BRD10: variants seen among roughly 807,000 people sequenced by gnomAD.
BRD10 encodes uncharacterized bromodomain-containing protein 10.
the BRD10 span, among the ~76,000 whole-genome samples, chr9:5,882,400 G>C: frequency 6.6e-6 from 1 of 152,178 alleles, no homozygotes; most frequent in Non-Finnish European, 1.5e-5. Context: ...AGCCAAACAA[G>C]TGTGAAAGTA....
the BRD10 span, among the ~76,000 whole-genome samples, chr9:5,902,706 T>C: frequency 3.9e-5 from 6 of 151,934 alleles, no homozygotes; most frequent in Admixed American, 3.3e-4. Context: ...AGAGTCTCAC[T>C]ATGTTGCTCT....
At chr9:5,935,544 T>A in the BRD10 span, among the ~76,000 whole-genome samples, 6 of 152,206 alleles carry the variant, frequency 3.9e-5, no homozygotes, top group African/African-American at 1.4e-4. Context: ...TGGTTGAGTA[T>A]CTGAATTTGA....
the BRD10 span, among the ~76,000 whole-genome samples, chr9:5,937,250 A>C: frequency 6.7e-6 from 1 of 149,900 alleles, no homozygotes; most frequent in African/African-American, 2.5e-5. Context: ...AAAAGGGTTT[A>C]AAGCAAATTA....
At chr9:5,881,269 A>G in the BRD10 span, among the ~76,000 whole-genome samples, 3 of 152,194 alleles carry the variant, frequency 2.0e-5, no homozygotes, top group East Asian at 1.9e-4. Flanking sequence ...GGCCTTCCTT[A>G]TAAATGGCCT....
At chr9:5,942,886 C>CT in the BRD10 span, among the ~76,000 whole-genome samples, 1 of 152,036 alleles carries the variant, frequency 6.6e-6, no homozygotes, top group Non-Finnish European at 1.5e-5. Flanking sequence ...CTTTCTTCTT[C>CT]TGTTTTTTTG....
At chr9:5,985,013 TTACTG>T in the BRD10 span, among the ~76,000 whole-genome samples, 1 of 151,368 alleles carries the variant, frequency 6.6e-6, no homozygotes. Flanking sequence ...ATTTCAAGAC[TTACTG>T]TAAAGTTAAT....
At chr9:5,988,510 G>C in the BRD10 span, 3 of 1,613,824 alleles carry the variant, frequency 1.9e-6, no homozygotes, top group Non-Finnish European at 2.5e-6. Context: ...ATAGCCTCTA[G>C]ATGTAACTGC....
the BRD10 span, among the ~76,000 whole-genome samples, chr9:5,916,566 C>CTT: frequency 0.23 from 34,950 of 149,334 alleles, 4,247 homozygotes; most frequent in South Asian, 0.35. Context: ...ATATATAAAA[C>CTT]ATATATAAAA....
the BRD10 span, among the ~76,000 whole-genome samples, chr9:5,935,798 CCTAA>C: frequency 6.6e-6 from 1 of 152,158 alleles, no homozygotes; most frequent in Non-Finnish European, 1.5e-5. Context: ...TCTCACAACG[CCTAA>C]CTCTGACAGA....
the BRD10 span, among the ~76,000 whole-genome samples, chr9:5,912,831 A>C: frequency 2.6e-5 from 4 of 152,222 alleles, no homozygotes; most frequent in African/African-American, 9.6e-5. Flanking sequence ...CCTGCAGGCC[A>C]GGGTAGGGAC....
chr9:5,968,151 C>G, the BRD10 span: 2 of 1,592,620 alleles, frequency 1.3e-6, no homozygotes, highest in East Asian at 2.2e-5. Flanking sequence ...TTCAAAACAT[C>G]TTTCAATTTC....
chr9:5,897,324 T>A, the BRD10 span, among the ~76,000 whole-genome samples: 1 of 152,206 alleles, frequency 6.6e-6, no homozygotes, highest in Non-Finnish European at 1.5e-5. Flanking sequence ...GCCATGCCAA[T>A]TAGCAGAGTT....
At chr9:5,910,195 T>C in the BRD10 span, 5 of 152,336 alleles carry the variant, frequency 3.3e-5, no homozygotes, top group East Asian at 7.7e-4. Flanking sequence ...ACTTTCTCAC[T>C]ATATGATTCA....
the BRD10 span, among the ~76,000 whole-genome samples, chr9:5,880,422 G>C: frequency 6.6e-6 from 1 of 151,654 alleles, no homozygotes; most frequent in Non-Finnish European, 1.5e-5. Context: ...TGATGCAGGA[G>C]AGAACTGCTT....
At chr9:5,967,197 T>C in the BRD10 span, among the ~76,000 whole-genome samples, 1 of 152,184 alleles carries the variant, frequency 6.6e-6, no homozygotes, top group Non-Finnish European at 1.5e-5. Context: ...TCCACCTTTT[T>C]TTTTTCCAAT....
chr9:5,921,928 G>A, the BRD10 span: 2 of 1,613,978 alleles, frequency 1.2e-6, no homozygotes, highest in African/African-American at 2.7e-5. Context: ...TAGCTGGAAT[G>A]GAAACAGAAG....
the BRD10 span, among the ~76,000 whole-genome samples, chr9:5,979,366 T>C: frequency 6.6e-6 from 1 of 151,896 alleles, no homozygotes; most frequent in Non-Finnish European, 1.5e-5. Context: ...ATGTAAAAAT[T>C]TGCCAAGTGT....
the BRD10 span, among the ~76,000 whole-genome samples, chr9:5,916,787 G>T: frequency 6.6e-6 from 1 of 152,074 alleles, no homozygotes; most frequent in Non-Finnish European, 1.5e-5. Flanking sequence ...TGACTCTCCA[G>T]TATCATGAAT....
the BRD10 span, among the ~76,000 whole-genome samples, chr9:5,996,403 T>C: frequency 2.0e-4 from 30 of 152,178 alleles, no homozygotes; most frequent in East Asian, 5.4e-3. Flanking sequence ...ACTGCAACCT[T>C]TGCCTCCTGG....
Sources: gnomAD v4.1 joint callset for allele counts (sites outside exome capture counted in the v4.1 genomes callset) on GRCh38, gnomAD v4.1.1 for gene constraint, MANE v1.5 for transcripts, NCBI Gene and HGNC (gene_info 2026-07-23, HGNC 2026-07-21) for gene names.